The following GPC5 variants were observed in gnomAD, a reference collection of about 807,000 sequenced individuals.
The protein encoded by GPC5 is glypican 5, also known as glypican-5.
Under a neutral mutation model 53.9 loss-of-function variants are expected in GPC5, and 47 were observed. The ratio of observed to expected loss-of-function variants is 0.87; its 90% CI spans 0.69 to 1.11. GPC5 has a LOEUF of 1.11. Among genes scored for constraint, GPC5 ranks in the 50% most tolerant of loss-of-function variants. GPC5 has a pLI of 0.00. For missense variants in GPC5, 748 were observed against 713.1 expected, an observed-to-expected ratio of 1.05 and a Z score of -0.56; for synonymous variants, 286 against 263.3, an observed-to-expected ratio of 1.09 and a Z score of -0.84.
chr13:91,933,381 C>A (rs2352197), intron 6 of GPC5, among the ~76,000 whole-genome samples: 8 of 151,586 alleles, frequency 5.3e-5, no homozygotes, highest in Admixed American at 1.3e-4. Context: ...TTTTTCTCTA[C>A]TGAGATTTTC....
intron 7 of GPC5, among the ~76,000 whole-genome samples, chr13:92,394,712 T>C (rs916500948): frequency 2.0e-5 from 3 of 152,148 alleles, no homozygotes; most frequent in Non-Finnish European, 4.4e-5. Flanking sequence ...GTTACTTCTA[T>C]GTTTTAAACA....
intron 6 of GPC5, among the ~76,000 whole-genome samples, chr13:92,063,094 C>T (rs759009642): frequency 6.6e-6 from 1 of 151,054 alleles, no homozygotes; most frequent in Non-Finnish European, 1.5e-5. Context: ...CTCCTCCTTA[C>T]CAAATGGAAA....
At chr13:92,632,359 C>T (rs1054630331) in intron 7 of GPC5, among the ~76,000 whole-genome samples, 5 of 151,172 alleles carry the variant, frequency 3.3e-5, no homozygotes, top group African/African-American at 7.3e-5. Flanking sequence ...TTCATAACTC[C>T]CAGAATTATT....
At chr13:92,078,931 T>A (rs1288154759) in intron 6 of GPC5, among the ~76,000 whole-genome samples, 1 of 152,200 alleles carries the variant, frequency 6.6e-6, no homozygotes, top group Non-Finnish European at 1.5e-5. Flanking sequence ...CAAACACCTG[T>A]GATTTTCCTT....
intron 7 of GPC5, among the ~76,000 whole-genome samples, chr13:92,692,357 G>C (rs1449419321): frequency 6.6e-6 from 1 of 151,900 alleles, no homozygotes; most frequent in Non-Finnish European, 1.5e-5. Context: ...ATGTCTTTTG[G>C]TAAAATGACT....
At chr13:91,882,465 C>A (rs557888473) in intron 5 of GPC5, among the ~76,000 whole-genome samples, 1 of 151,662 alleles carries the variant, frequency 6.6e-6, no homozygotes, top group African/African-American at 2.4e-5. Context: ...GTTTTCCATG[C>A]GATTATTTTT....
chr13:92,316,629 A>G (rs1308124407), intron 7 of GPC5, among the ~76,000 whole-genome samples: 1 of 152,132 alleles, frequency 6.6e-6, no homozygotes, highest in Non-Finnish European at 1.5e-5. Context: ...AATAGACTCA[A>G]AGTAATATAT....
At chr13:92,571,267 A>G (rs1179834932) in intron 7 of GPC5, among the ~76,000 whole-genome samples, 7 of 152,166 alleles carry the variant, frequency 4.6e-5, no homozygotes, top group Non-Finnish European at 7.4e-5. Context: ...TATTCTCACC[A>G]TAATCCTGAA....
At chr13:91,828,347 A>ATAGGTAGG (rs144877705) in intron 5 of GPC5, among the ~76,000 whole-genome samples, 50 of 150,178 alleles carry the variant, frequency 3.3e-4, no homozygotes, top group African/African-American at 1.1e-3. Context: ...AGATAGGTAG[A>ATAGGTAGG]TAGGTAGGTA....
intron 7 of GPC5, among the ~76,000 whole-genome samples, chr13:92,382,663 A>G (rs2043758576): frequency 6.6e-6 from 1 of 152,196 alleles, no homozygotes; most frequent in African/African-American, 2.4e-5. Flanking sequence ...AACTGTACCC[A>G]CAGTTAGCTC....
At chr13:92,779,747 A>G (rs1566414994) in intron 7 of GPC5, among the ~76,000 whole-genome samples, 1 of 152,190 alleles carries the variant, frequency 6.6e-6, no homozygotes, top group African/African-American at 2.4e-5. Flanking sequence ...CAAGGTATAC[A>G]CATTCAAAGG....
intron 7 of GPC5, among the ~76,000 whole-genome samples, chr13:92,857,081 G>A (rs889074603): frequency 3.3e-5 from 5 of 151,896 alleles, no homozygotes; most frequent in Admixed American, 6.6e-5. Flanking sequence ...AAGTATACAA[G>A]GCTACAGTAA....
chr13:91,601,337 G>T (rs1027210685), intron 2 of GPC5, among the ~76,000 whole-genome samples: 5 of 152,128 alleles, frequency 3.3e-5, no homozygotes, highest in Non-Finnish European at 7.3e-5. Flanking sequence ...ACAAAGCATA[G>T]AAGTGGATGC....
intron 2 of GPC5, among the ~76,000 whole-genome samples, chr13:91,571,799 A>ACACACATATACGTGTGTGTG (rs2031811311): frequency 1.3e-5 from 1 of 75,056 alleles, no homozygotes; most frequent in Admixed American, 1.3e-4. Context: ...GTGTGTGTAT[A>ACACACATATACGTGTGTGTG]TATACACACA....
At chr13:92,759,108 T>A (rs1440445605) in intron 7 of GPC5, among the ~76,000 whole-genome samples, 1 of 151,364 alleles carries the variant, frequency 6.6e-6, no homozygotes, top group African/African-American at 2.4e-5. Flanking sequence ...ACTGGTCTGT[T>A]TGTCTGTTTT....
At chr13:92,062,195 T>C (rs1253509432) in intron 6 of GPC5, among the ~76,000 whole-genome samples, 1 of 151,950 alleles carries the variant, frequency 6.6e-6, no homozygotes, top group African/African-American at 2.4e-5. Context: ...ATATGTCATT[T>C]TGTTATTAGC....
At chr13:91,475,748 G>A (rs1882890598) in intron 2 of GPC5, among the ~76,000 whole-genome samples, 1 of 152,186 alleles carries the variant, frequency 6.6e-6, no homozygotes, top group Non-Finnish European at 1.5e-5. Flanking sequence ...GACTGTGAGA[G>A]AGCAAGTGGA....
At chr13:92,578,449 A>C (rs1594318444) in intron 7 of GPC5, among the ~76,000 whole-genome samples, 1 of 152,108 alleles carries the variant, frequency 6.6e-6, no homozygotes, top group Non-Finnish European at 1.5e-5. Context: ...GAGATACCTT[A>C]TGGAAATTGG....
At chr13:91,440,644 A>G (rs1880353524) in intron 1 of GPC5, among the ~76,000 whole-genome samples, 1 of 152,150 alleles carries the variant, frequency 6.6e-6, no homozygotes. Context: ...TCATATGTTC[A>G]GTAATTTTAG....
Sources: gnomAD v4.1 joint callset for allele counts (sites outside exome capture counted in the v4.1 genomes callset) on GRCh38, gnomAD v4.1.1 for gene constraint, MANE v1.5 for transcripts, NCBI Gene and HGNC (gene_info 2026-07-23, HGNC 2026-07-21) for gene names.